The following MAP2K1 variants were observed in gnomAD, a reference collection of about 807,000 sequenced individuals.
MAP2K1 encodes the protein mitogen-activated protein kinase kinase 1.
A neutral mutation model predicts 46.3 loss-of-function variants in MAP2K1; 16 were observed. The observed-to-expected ratio is 0.35, with a 90% CI of 0.23 to 0.52. The LOEUF (loss-of-function observed/expected upper bound fraction) is 0.52, where lower values mean the gene tolerates loss of function less well. Ranked by LOEUF, MAP2K1 falls within the 20% of genes least tolerant of loss-of-function variation. The pLI is 0.94. For missense variants in MAP2K1, 263 were observed against 497.1 expected, an observed-to-expected ratio of 0.53 and a Z score of 4.48; for synonymous variants, 183 against 185.6, an observed-to-expected ratio of 0.99 and a Z score of 0.11.
At chr15:66,470,605 C>T (rs908970104) in intron 5 of MAP2K1, among the ~76,000 whole-genome samples, 4 of 152,132 alleles carry the variant, frequency 2.6e-5, no homozygotes, top group South Asian at 2.1e-4. Context: ...TTTGGGAGAT[C>T]GGGGATTCTC....
chr15:66,475,733 G>A (rs1252201075), intron 5 of MAP2K1, among the ~76,000 whole-genome samples: 2 of 152,196 alleles, frequency 1.3e-5, no homozygotes, highest in East Asian at 3.8e-4. Flanking sequence ...CTGGTTGGAA[G>A]AATTTAGAAC....
At chr15:66,411,893 T>C (rs928523769) in intron 1 of MAP2K1, among the ~76,000 whole-genome samples, 1 of 152,222 alleles carries the variant, frequency 6.6e-6, no homozygotes, top group Admixed American at 6.5e-5. Flanking sequence ...GACAAGAGTG[T>C]GCTTCCATTT....
At chr15:66,478,457 G>GGTATATATATATATATACAGGT (rs1555420087) in intron 5 of MAP2K1, among the ~76,000 whole-genome samples, 1 of 124,300 alleles carries the variant, frequency 8.0e-6, no homozygotes, top group African/African-American at 2.9e-5. Flanking sequence ...TATATATACA[G>GGTATATATATATATATACAGGT]GTATATATAT....
intron 1 of MAP2K1, among the ~76,000 whole-genome samples, chr15:66,432,978 G>GTT (rs1238153086): frequency 4.0e-5 from 6 of 151,432 alleles, no homozygotes; most frequent in African/African-American, 1.2e-4. Context: ...GTGTGTGTGT[G>GTT]TGTGTGTGTG....
chr15:66,482,762 A>T (rs1892943917), intron 6 of MAP2K1, among the ~76,000 whole-genome samples: 1 of 152,180 alleles, frequency 6.6e-6, no homozygotes, highest in South Asian at 2.1e-4. Context: ...GGGTACATGG[A>T]TAAAACATTT....
chr15:66,470,608 G>C (rs773198632), intron 5 of MAP2K1, among the ~76,000 whole-genome samples: 6 of 152,126 alleles, frequency 3.9e-5, no homozygotes, highest in Non-Finnish European at 7.4e-5. Flanking sequence ...GGGAGATCGG[G>C]GATTCTCTGG....
intron 5 of MAP2K1, among the ~76,000 whole-genome samples, chr15:66,461,968 T>C (rs762122736): frequency 3.3e-5 from 5 of 152,200 alleles, no homozygotes; most frequent in Non-Finnish European, 5.9e-5. Flanking sequence ...CCAAGTGTTG[T>C]GTAATAGCAT....
rs1893251343 is a variant in MAP2K1 at position 66,491,359 on chromosome 15, A to G, written c.*744A>G. On this transcript the variant is annotated 3_prime_UTR_variant, in exon 11 of 11. Coordinates refer to ENST00000307102, the MANE Select transcript of MAP2K1 (RefSeq NM_002755.4). Reference sequence around the variant, plus strand: ...GAATTATTTTGAATGTCACAAATTGATCAAGATATTAAAATGTCGGATTTA... The same window carrying G: ...GAATTATTTTGAATGTCACAAATTGGTCAAGATATTAAAATGTCGGATTTA... 4.3e-6 allele frequency: 1 copy of G among 233,366 alleles called. No homozygotes were observed. Among genetic ancestry groups the G allele is most frequent in the Non-Finnish European group, 8.5e-6 (1 of 118,152 alleles). 14.5% of individuals were successfully genotyped at this position (233,366 alleles called of 1,614,324 possible). A position where few individuals can be genotyped will look rare whatever the true frequency, so the allele number is the denominator to read the frequency against.
At chr15:66,448,544 G>C (rs556734700) in intron 5 of MAP2K1, among the ~76,000 whole-genome samples, 2 of 152,194 alleles carry the variant, frequency 1.3e-5, no homozygotes, top group Non-Finnish European at 2.9e-5. Context: ...TATTGTGCAA[G>C]TGTTCCCTCT....
chr15:66,396,123 C>G (rs973335356), intron 1 of MAP2K1, among the ~76,000 whole-genome samples: 2 of 152,264 alleles, frequency 1.3e-5, no homozygotes, highest in African/African-American at 4.8e-5. Flanking sequence ...TCTCCTGCCT[C>G]AGCCTCCCAA....
At chr15:66,465,082 G>A (rs1030956293) in intron 5 of MAP2K1, among the ~76,000 whole-genome samples, 1 of 151,638 alleles carries the variant, frequency 6.6e-6, no homozygotes, top group African/African-American at 2.4e-5. Context: ...AAAATTAGCC[G>A]GGCATGGTGG....
chr15:66,487,314 TCA>T, intron 8 of MAP2K1, 22 bp downstream of exon 8: 1 of 1,612,160 alleles, frequency 6.2e-7, no homozygotes, highest in South Asian at 1.1e-5. Context: ...CTGGTTTCCT[TCA>T]CCTTGGAATT....
At chr15:66,469,383 A>G (rs755204932) in intron 5 of MAP2K1, among the ~76,000 whole-genome samples, 5 of 151,226 alleles carry the variant, frequency 3.3e-5, no homozygotes, top group African/African-American at 7.3e-5. Context: ...ATACAAAAGC[A>G]GTTTAATAGC....
intron 3 of MAP2K1, among the ~76,000 whole-genome samples, chr15:66,441,946 C>A (rs2093505091): frequency 6.6e-6 from 1 of 152,108 alleles, no homozygotes; most frequent in South Asian, 2.1e-4. Flanking sequence ...GGGAACTTAA[C>A]CTATTTCTGC....
At chr15:66,453,452 A>G in intron 5 of MAP2K1, 1 of 701,920 alleles carries the variant, frequency 1.4e-6, no homozygotes. Flanking sequence ...TGTTGTTTAC[A>G]AGTCTTCTCC....
At chr15:66,412,584 A>T (rs1466724241) in intron 1 of MAP2K1, among the ~76,000 whole-genome samples, 4 of 152,232 alleles carry the variant, frequency 2.6e-5, no homozygotes, top group Admixed American at 2.0e-4. Context: ...CATAATTGGT[A>T]ATTTGGCCCA....
chr15:66,415,133 A>C (rs756346582), intron 1 of MAP2K1: 10 of 525,156 alleles, frequency 1.9e-5, no homozygotes, highest in African/African-American at 3.9e-5. Flanking sequence ...ATCAAGCTCC[A>C]GCTTGGCAGC....
chr15:66,414,044 C>A (rs1257316173), intron 1 of MAP2K1, among the ~76,000 whole-genome samples: 1 of 151,264 alleles, frequency 6.6e-6, no homozygotes, highest in Non-Finnish European at 1.5e-5. Flanking sequence ...GAACCTGCCT[C>A]AGGTCTCTGT....
chr15:66,404,712 G>A (rs1212014758), intron 1 of MAP2K1, among the ~76,000 whole-genome samples: 1 of 152,224 alleles, frequency 6.6e-6, no homozygotes, highest in Non-Finnish European at 1.5e-5. Flanking sequence ...GAATCAGCTT[G>A]ATATGCAGTC....
Sources: allele counts gnomAD v4.1 joint callset (sites outside exome capture counted in the v4.1 genomes callset), GRCh38; gene constraint gnomAD v4.1.1; transcripts MANE v1.5; gene names NCBI Gene and HGNC (gene_info 2026-07-23, HGNC 2026-07-21).